The following PAK5 variants were observed in gnomAD, a reference collection of about 807,000 sequenced individuals.
The protein encoded by PAK5 is serine/threonine-protein kinase PAK 5.
Under a neutral mutation model 65.9 loss-of-function variants are expected in PAK5, and 16 were observed. The observed-to-expected ratio is 0.24, with a 90% CI of 0.16 to 0.37. The LOEUF is 0.37. Ranked by LOEUF, PAK5 falls within the 10% of genes least tolerant of loss-of-function variation. PAK5 has a pLI of 1.00. For synonymous variants in PAK5, 371 were observed against 354.9 expected, an observed-to-expected ratio of 1.05 and a Z score of -0.51; for missense variants, 785 against 903.9, an observed-to-expected ratio of 0.87 and a Z score of 1.69.
At chr20:9,767,572 A>T (rs1446862702) in intron 1 of PAK5, among the ~76,000 whole-genome samples, 1 of 152,148 alleles carries the variant, frequency 6.6e-6, no homozygotes, top group Non-Finnish European at 1.5e-5. Context: ...CTAGTATCTA[A>T]AACTGAGCCT....
At chr20:9,734,552 G>GCACACACAAACA (rs2048368086) in intron 1 of PAK5, among the ~76,000 whole-genome samples, 1 of 149,368 alleles carries the variant, frequency 6.7e-6, no homozygotes, top group Admixed American at 6.7e-5. Context: ...ACGCGCACAT[G>GCACACACAAACA]CACACACACA....
At chr20:9,806,432 C>A (rs1257812247) in intron 1 of PAK5, among the ~76,000 whole-genome samples, 1 of 152,136 alleles carries the variant, frequency 6.6e-6, no homozygotes, top group Non-Finnish European at 1.5e-5. Flanking sequence ...ATCTTTCAGG[C>A]CCTATGTCAA....
intron 1 of PAK5, among the ~76,000 whole-genome samples, chr20:9,752,760 C>T (rs768047844): frequency 1.3e-5 from 2 of 152,128 alleles, no homozygotes; most frequent in African/African-American, 2.4e-5. Context: ...TGCCATCCTT[C>T]CTTGTATCCA....
chr20:9,731,003 A>G (rs1422699517), intron 1 of PAK5, among the ~76,000 whole-genome samples: 1 of 152,222 alleles, frequency 6.6e-6, no homozygotes, highest in African/African-American at 2.4e-5. Context: ...AGTGGGAGAA[A>G]GCTTGGGTGG....
intron 1 of PAK5, among the ~76,000 whole-genome samples, chr20:9,789,689 G>T (rs1022112619): frequency 6.6e-6 from 1 of 152,098 alleles, no homozygotes; most frequent in African/African-American, 2.4e-5. Context: ...TGATGGTCTG[G>T]GGAAGATGGG....
chr20:9,635,653 G>T (rs1210900120), intron 3 of PAK5, among the ~76,000 whole-genome samples: 2 of 152,170 alleles, frequency 1.3e-5, no homozygotes, highest in African/African-American at 4.8e-5. Context: ...ATCCAGATGA[G>T]AACTTAGAAA....
intron 2 of PAK5, among the ~76,000 whole-genome samples, chr20:9,645,244 C>T (rs1299018717): frequency 6.6e-6 from 1 of 152,172 alleles, no homozygotes; most frequent in Non-Finnish European, 1.5e-5. Context: ...GTGTACTTTA[C>T]CTGTTTGAAA....
intron 1 of PAK5, among the ~76,000 whole-genome samples, chr20:9,756,415 T>C (rs1415598644): frequency 1.3e-5 from 2 of 152,014 alleles, no homozygotes; most frequent in Non-Finnish European, 2.9e-5. Context: ...TAAATAGCAA[T>C]GCAAACACTG....
chr20:9,539,662 C>G, intron 9 of PAK5, 45 bp from the exon 10 acceptor site: 1 of 1,526,212 alleles, frequency 6.6e-7, no homozygotes, highest in South Asian at 1.1e-5. Flanking sequence ...ACACAGACAC[C>G]TAACCCAGTC....
At chr20:9,764,665 T>G (rs375340464) in intron 1 of PAK5, among the ~76,000 whole-genome samples, 1 of 152,168 alleles carries the variant, frequency 6.6e-6, no homozygotes, top group Non-Finnish European at 1.5e-5. Context: ...AATTAACTCA[T>G]ATATAGAAAA....
chr20:9,733,015 T>C lies in PAK5; in HGVS notation c.-161-21580A>G, dbSNP rs553195127. On this transcript the variant is annotated intron_variant, in intron 1 of 9. Transcript: ENST00000353224. ...ACATAACACTTTGTTTGTATTTTAC[T>C]GGACACTAATTTGTGTCTGGAAGAA... Among the ~76,000 whole-genome samples the C allele has an allele frequency of 8.9e-4, 136 of 152,352 alleles. 3 individuals are homozygous for C. The South Asian group carries it at 0.011, about 13-fold the overall frequency.
At chr20:9,583,143 A>G (rs779076575) in intron 3 of PAK5, among the ~76,000 whole-genome samples, 2 of 152,198 alleles carry the variant, frequency 1.3e-5, no homozygotes, top group Non-Finnish European at 2.9e-5. Context: ...CCGAAATAAT[A>G]TGTTTGTAGA....
intron 1 of PAK5, among the ~76,000 whole-genome samples, chr20:9,797,882 G>T (rs6056890): frequency 1.3e-5 from 2 of 151,792 alleles, no homozygotes; most frequent in Admixed American, 6.6e-5. Context: ...TAAAATAAAG[G>T]ATTCATCAGT....
At chr20:9,699,415 C>T (rs552636537) in intron 2 of PAK5, among the ~76,000 whole-genome samples, 2 of 152,030 alleles carry the variant, frequency 1.3e-5, no homozygotes, top group East Asian at 3.9e-4. Flanking sequence ...GAGAAACAAT[C>T]TGTATGGAAA....
intron 2 of PAK5, among the ~76,000 whole-genome samples, chr20:9,697,509 G>T (rs1164694889): frequency 1.3e-5 from 2 of 152,004 alleles, no homozygotes; most frequent in African/African-American, 4.8e-5. Context: ...ACAACTCAAG[G>T]TTGTCTGAAT....
chr20:9,589,783 G>C (rs760880011), intron 3 of PAK5, among the ~76,000 whole-genome samples: 1 of 151,990 alleles, frequency 6.6e-6, no homozygotes, highest in Non-Finnish European at 1.5e-5. Context: ...CGATTCTCAT[G>C]CCTCAGCCTC....
At chr20:9,686,249 C>G (rs765052148) in intron 2 of PAK5, among the ~76,000 whole-genome samples, 5 of 152,114 alleles carry the variant, frequency 3.3e-5, no homozygotes, top group Non-Finnish European at 7.3e-5. Context: ...AGAAGCTGAC[C>G]CATGTGGACC....
chr20:9,580,342 C>A lies in PAK5; in HGVS notation c.793G>T (p.Asp265Tyr). 1 of 1,614,128 alleles carries A rather than the reference C, an allele frequency of 6.2e-7. No homozygotes were observed. Among genetic ancestry groups the A allele is most frequent in the South Asian group, 1.1e-5 (1 of 91,082 alleles). Reference protein sequence around the residue: ...SEWGPSLDDYDRRPKSSYLNQ... With the variant: ...SEWGPSLDDYYRRPKSSYLNQ... ...AGGTACGAAGACTTTGGCCTCCTGT[C>A]ATAGTCATCCAGGCTGGGTCCCCAT... Residue 265 changes from aspartate (D) to tyrosine (Y), a missense_variant, in exon 4 of 10, where the codon GAC becomes TAC. Asp to Tyr is a radical substitution (Grantham distance 160). Coordinates refer to ENST00000353224, the MANE Select transcript of PAK5 (RefSeq NM_177990.4).
chr20:9,665,870 T>G (rs1050972905), intron 2 of PAK5, among the ~76,000 whole-genome samples: 2 of 151,974 alleles, frequency 1.3e-5, no homozygotes, highest in Admixed American at 6.6e-5. Context: ...TTAGAAATGG[T>G]GATAATTAGA....
Sources: gnomAD v4.1 joint callset for allele counts (sites outside exome capture counted in the v4.1 genomes callset) on GRCh38, gnomAD v4.1.1 for gene constraint, MANE v1.5 for transcripts, NCBI Gene and HGNC (gene_info 2026-07-23, HGNC 2026-07-21) for gene names.